TRAPPC9: variants seen among roughly 807,000 people sequenced by gnomAD.
TRAPPC9 encodes the protein IKK2 binding protein.
TRAPPC9 carries 83 observed loss-of-function variants against 124.0 expected under a neutral mutation model. The observed-to-expected ratio is 0.67, with a 90% CI of 0.56 to 0.80. The LOEUF is 0.80. TRAPPC9 is among the 30% of genes least tolerant of loss of function. The pLI, the probability that TRAPPC9 is intolerant of heterozygous loss-of-function variation, is 0.00. For missense variants in TRAPPC9, 1,302 were observed against 1,508.3 expected, an observed-to-expected ratio of 0.86 and a Z score of 2.27; for synonymous variants, 638 against 617.5, an observed-to-expected ratio of 1.03 and a Z score of -0.49.
chr8:140,144,464 TTTCATTCA>T (rs67174670), intron 17 of TRAPPC9, among the ~76,000 whole-genome samples: 98,973 of 150,368 alleles, frequency 0.66, 32,833 homozygotes, highest in Admixed American at 0.71. Flanking sequence ...CTATTTTTCT[TTTCATTCA>T]TTCATTCATT....
intron 17 of TRAPPC9, among the ~76,000 whole-genome samples, chr8:140,174,509 C>T (rs1267215198): frequency 2.6e-5 from 4 of 152,162 alleles, no homozygotes; most frequent in Admixed American, 6.5e-5. Flanking sequence ...TATCTAATTT[C>T]GGAGTATTTC....
At position 139,926,675 on chromosome 8, in the gene TRAPPC9, C is replaced by T. The variant is rs373215614; in HGVS notation, c.2811-16375G>A. Among the ~76,000 whole-genome samples the T allele has an allele frequency of 2.5e-4, 38 of 150,242 alleles. No homozygotes were observed. In the East Asian group the frequency reaches 6.8e-3, roughly 27 times the overall value. On this transcript the variant is annotated intron_variant, in intron 19 of 22. Coordinates refer to ENST00000438773, the MANE Select transcript of TRAPPC9 (RefSeq NM_001160372.4). ...CGGAGGTTGCAGTGAGCTGAGATTG[C>T]GCCACTGCACTCCAGCCTGGGTGAC... is the stretch of plus-strand genomic sequence containing the variant.
In TRAPPC9 at chr8:140,142,634, T is replaced by C. The variant is rs187972850; in HGVS notation, c.2556+78825A>G. Among the ~76,000 whole-genome samples the C allele has an allele frequency of 4.8e-4, 73 of 152,374 alleles. No individual in the cohort carries two copies. The East Asian group carries it at 0.014, about 29-fold the overall frequency. ...CTTCTTCCATGCAGTCTTCTCCTAT[T>C]TCCCCCACTTTTACACTCCAGGGAC... is the stretch of plus-strand genomic sequence containing the variant. On this transcript the variant is annotated intron_variant, in intron 17 of 22. Coordinates refer to ENST00000438773, the MANE Select transcript of TRAPPC9 (RefSeq NM_001160372.4).
At chr8:139,781,515 T>C (rs1321526482) in intron 21 of TRAPPC9, among the ~76,000 whole-genome samples, 1 of 152,234 alleles carries the variant, frequency 6.6e-6, no homozygotes, top group Non-Finnish European at 1.5e-5. Flanking sequence ...TTTAGGGCAA[T>C]ACACCTATTC....
chr8:139,949,522 T>C (rs1178628516), intron 19 of TRAPPC9, among the ~76,000 whole-genome samples: 1 of 152,156 alleles, frequency 6.6e-6, no homozygotes, highest in African/African-American at 2.4e-5. Context: ...AACCACTAAA[T>C]AAAATGTGCA....
At chr8:140,049,698 G>T (rs766541423) in intron 17 of TRAPPC9, among the ~76,000 whole-genome samples, 12 of 152,170 alleles carry the variant, frequency 7.9e-5, no homozygotes, top group Admixed American at 5.9e-4. Flanking sequence ...CCAAACCCTG[G>T]GATTTCCTTG....
intron 17 of TRAPPC9, among the ~76,000 whole-genome samples, chr8:140,116,105 C>T (rs2060881426): frequency 1.3e-5 from 2 of 152,088 alleles, no homozygotes; most frequent in African/African-American, 4.8e-5. Context: ...AGCCCAGCAA[C>T]TGCACGCAGG....
intron 19 of TRAPPC9, among the ~76,000 whole-genome samples, chr8:139,944,318 G>A (rs1325954787): frequency 6.6e-6 from 1 of 152,028 alleles, no homozygotes; most frequent in African/African-American, 2.4e-5. Context: ...TAAATACTTG[G>A]GCAAATATAA....
chr8:140,053,849 G>A (rs1347407358), intron 17 of TRAPPC9, among the ~76,000 whole-genome samples: 1 of 152,020 alleles, frequency 6.6e-6, no homozygotes, highest in Non-Finnish European at 1.5e-5. Context: ...TGTTTATTTT[G>A]TCTATCAAAG....
At chr8:140,423,979 T>C (rs184891175) in intron 5 of TRAPPC9, among the ~76,000 whole-genome samples, 1 of 152,182 alleles carries the variant, frequency 6.6e-6, no homozygotes, top group East Asian at 1.9e-4. Flanking sequence ...GGGAAGGACA[T>C]AGGCAAAGGA....
intron 21 of TRAPPC9, among the ~76,000 whole-genome samples, chr8:139,870,503 A>T (rs1306582637): frequency 6.6e-6 from 1 of 152,214 alleles, no homozygotes; most frequent in Non-Finnish European, 1.5e-5. Flanking sequence ...ATAACAGCAA[A>T]ACATTAGAAA....
chr8:140,235,020 G>A (rs919989963), intron 16 of TRAPPC9, among the ~76,000 whole-genome samples: 2 of 152,090 alleles, frequency 1.3e-5, no homozygotes, highest in African/African-American at 4.8e-5. Context: ...GCCCAGGAGG[G>A]AGTGCAATGG....
chr8:140,220,825 T>C (rs532931660), intron 17 of TRAPPC9, among the ~76,000 whole-genome samples: 4 of 152,294 alleles, frequency 2.6e-5, no homozygotes, highest in Admixed American at 6.5e-5. Flanking sequence ...GAAAGTGACA[T>C]TGCCGCCTGC....
intron 20 of TRAPPC9, among the ~76,000 whole-genome samples, chr8:139,891,747 G>T (rs1378057746): frequency 1.3e-5 from 2 of 152,210 alleles, no homozygotes; most frequent in Non-Finnish European, 2.9e-5. Flanking sequence ...GCACACTTGT[G>T]GGGGTGGGCA....
chr8:140,228,603 G>A (rs182953718), intron 16 of TRAPPC9, among the ~76,000 whole-genome samples: 80 of 152,320 alleles, frequency 5.3e-4, no homozygotes, highest in Non-Finnish European at 9.1e-4. Flanking sequence ...GATGCTCCCT[G>A]CAGTGGGACC....
At chr8:140,161,445 A>G (rs2061750061) in intron 17 of TRAPPC9, among the ~76,000 whole-genome samples, 1 of 151,710 alleles carries the variant, frequency 6.6e-6, no homozygotes, top group Non-Finnish European at 1.5e-5. Context: ...GAATATCTGC[A>G]TATACGTAAT....
chr8:139,831,738 C>T (rs1826009966), intron 21 of TRAPPC9, among the ~76,000 whole-genome samples: 1 of 152,172 alleles, frequency 6.6e-6, no homozygotes. Flanking sequence ...CTTTGCTTTG[C>T]AAAGCAACTT....
At chr8:139,861,964 T>C (rs776439697) in intron 21 of TRAPPC9, among the ~76,000 whole-genome samples, 1 of 152,090 alleles carries the variant, frequency 6.6e-6, no homozygotes, top group Admixed American at 6.5e-5. Context: ...TATCATTCCA[T>C]TCTCCAAAGA....
chr8:140,159,643 G>A (rs2061711157), intron 17 of TRAPPC9, among the ~76,000 whole-genome samples: 1 of 152,124 alleles, frequency 6.6e-6, no homozygotes, highest in Non-Finnish European at 1.5e-5. Flanking sequence ...AAGTCTCTCT[G>A]CAAATCCAAA....
Sources: gnomAD v4.1 joint callset for allele counts (sites outside exome capture counted in the v4.1 genomes callset) on GRCh38, gnomAD v4.1.1 for gene constraint, MANE v1.5 for transcripts, NCBI Gene and HGNC (gene_info 2026-07-23, HGNC 2026-07-21) for gene names.